Variants in STXBP5L observed in about 807,000 individuals in gnomAD.
STXBP5L encodes the protein syntaxin binding protein 5L, also known as syntaxin-binding protein 5-like.
A neutral mutation model predicts 144.5 loss-of-function variants in STXBP5L; 65 were observed. That is an observed-to-expected ratio of 0.45 (90% CI 0.37 to 0.55). STXBP5L has a LOEUF of 0.55. Ranked by LOEUF, STXBP5L falls within the 20% of genes least tolerant of loss-of-function variation. STXBP5L has a pLI of 0.00. For synonymous variants in STXBP5L, 505 were observed against 469.6 expected (o/e 1.08, Z -0.97); for missense variants, 1,298 against 1,405.5 (o/e 0.92, Z 1.22).
intron 3 of STXBP5L, among the ~76,000 whole-genome samples, chr3:120,974,782 C>G (rs1251625774): frequency 1.3e-5 from 2 of 152,212 alleles, no homozygotes; most frequent in East Asian, 3.9e-4. Flanking sequence ...TTTCCCAGCA[C>G]CATTTATTAA....
At chr3:121,053,893 A>G (rs1948232057) in intron 5 of STXBP5L, among the ~76,000 whole-genome samples, 1 of 150,940 alleles carries the variant, frequency 6.6e-6, no homozygotes, top group Non-Finnish European at 1.5e-5. Flanking sequence ...AATTTACAAG[A>G]AAAAAAAACA....
intron 2 of STXBP5L, among the ~76,000 whole-genome samples, chr3:120,953,228 G>A (rs955524452): frequency 2.0e-5 from 3 of 151,932 alleles, no homozygotes; most frequent in African/African-American, 7.3e-5. Flanking sequence ...TAAACTTGGA[G>A]TGGGGAAAAC....
At chr3:120,957,175 T>C (rs1938126306) in intron 3 of STXBP5L, among the ~76,000 whole-genome samples, 1 of 151,962 alleles carries the variant, frequency 6.6e-6, no homozygotes, top group Non-Finnish European at 1.5e-5. Flanking sequence ...ATTCCACTGA[T>C]CTATAGGTAT....
At chr3:121,091,382 T>C (rs1198475094) in intron 5 of STXBP5L, among the ~76,000 whole-genome samples, 2 of 150,876 alleles carry the variant, frequency 1.3e-5, no homozygotes, top group Middle Eastern at 3.4e-3. Context: ...TGAACTAGTT[T>C]ACAGTCCCAC....
At chr3:121,182,148 T>G (rs913163891) in intron 9 of STXBP5L, among the ~76,000 whole-genome samples, 2 of 152,172 alleles carry the variant, frequency 1.3e-5, no homozygotes, top group Admixed American at 1.3e-4. Context: ...AACAGTAGAC[T>G]TAAACTATAT....
chr3:120,970,034 T>C (rs1940056805), intron 3 of STXBP5L, among the ~76,000 whole-genome samples: 1 of 152,068 alleles, frequency 6.6e-6, no homozygotes, highest in South Asian at 2.1e-4. Context: ...TAACTTTTAT[T>C]GCATAGAGAA....
At position 121,382,509 on chromosome 3, in the gene STXBP5L, G is replaced by C. The variant is rs144762765; in HGVS notation, c.2587+977G>C. Among the ~76,000 whole-genome samples, 538 of 152,144 alleles carry C rather than the reference G, an allele frequency of 3.5e-3. 1 individual carries two copies. The highest frequency in any genetic ancestry group is 5.6e-3 in the Non-Finnish European group (380 of 67,974). ...TCTTTTGACTGGTGAGTTAGTTGGA[G>C]TCAAATCAGTGATACCATAATGAAT... is the stretch of plus-strand genomic sequence containing the variant. On this transcript the variant is annotated intron_variant, in intron 22 of 26. Transcript: ENST00000471454.
chr3:121,395,344 A>T (rs2046702610), intron 22 of STXBP5L, among the ~76,000 whole-genome samples: 1 of 152,272 alleles, frequency 6.6e-6, no homozygotes, highest in African/African-American at 2.4e-5. Context: ...ATTCAAAATG[A>T]TGAAAATTTT....
chr3:121,139,953 A>G (rs1427508850), intron 7 of STXBP5L, among the ~76,000 whole-genome samples: 2 of 152,092 alleles, frequency 1.3e-5, no homozygotes, highest in East Asian at 3.9e-4. Flanking sequence ...ACAACTCACC[A>G]TAAAAAACCA....
intron 7 of STXBP5L, among the ~76,000 whole-genome samples, chr3:121,146,297 ACTAAT>A (rs2045708628): frequency 2.0e-5 from 3 of 152,090 alleles, no homozygotes; most frequent in Non-Finnish European, 4.4e-5. Flanking sequence ...TAGCACAAGT[ACTAAT>A]TTACATTATA....
intron 3 of STXBP5L, among the ~76,000 whole-genome samples, chr3:120,958,452 C>CA (rs1182288542): frequency 6.6e-6 from 1 of 151,978 alleles, no homozygotes; most frequent in Non-Finnish European, 1.5e-5. Flanking sequence ...AGAGACACAA[C>CA]AAAAAAATAG....
chr3:120,999,870 T>C (rs1428692578), intron 3 of STXBP5L, among the ~76,000 whole-genome samples: 1 of 152,182 alleles, frequency 6.6e-6, no homozygotes, highest in Non-Finnish European at 1.5e-5. Context: ...TCATTTCTCC[T>C]TTAGTTTGGT....
intron 8 of STXBP5L, 41 bp downstream of exon 8, chr3:121,152,601 C>T (rs773311051): frequency 1.2e-5 from 17 of 1,421,560 alleles, no homozygotes; most frequent in South Asian, 6.1e-5. Flanking sequence ...AGTATTGTGA[C>T]GTTATGCCTG....
At chr3:121,332,695 T>C (rs2044360603) in intron 20 of STXBP5L, among the ~76,000 whole-genome samples, 1 of 152,044 alleles carries the variant, frequency 6.6e-6, no homozygotes, top group Admixed American at 6.6e-5. Context: ...AGAAAACCTA[T>C]CTAAGGGAAT....
At chr3:120,955,847 T>C (rs1157388225) in intron 3 of STXBP5L, among the ~76,000 whole-genome samples, 4 of 152,082 alleles carry the variant, frequency 2.6e-5, no homozygotes, top group African/African-American at 9.6e-5. Context: ...TTCATTTCAA[T>C]AATTTTGCCA....
intron 15 of STXBP5L, among the ~76,000 whole-genome samples, chr3:121,252,919 G>C (rs1306322776): frequency 6.6e-6 from 1 of 152,066 alleles, no homozygotes; most frequent in African/African-American, 2.4e-5. Flanking sequence ...TCATTTTCTT[G>C]CACATTCAGA....
chr3:121,297,650 A>G (rs1156920410), intron 19 of STXBP5L, among the ~76,000 whole-genome samples: 1 of 152,138 alleles, frequency 6.6e-6, no homozygotes, highest in Non-Finnish European at 1.5e-5. Flanking sequence ...GCTACTTGGG[A>G]GGCTGAAGCA....
chr3:121,080,897 G>T (rs1202672967), intron 5 of STXBP5L, among the ~76,000 whole-genome samples: 2 of 151,968 alleles, frequency 1.3e-5, no homozygotes, highest in Non-Finnish European at 2.9e-5. Context: ...CTTGTATTTG[G>T]ATGTCTAGAT....
In STXBP5L at chr3:121,222,998, T is replaced by C. The variant is rs1279073349; in HGVS notation, c.957-5T>C. The C allele has an allele frequency of 6.3e-7, 1 of 1,592,274 alleles. No homozygotes were observed. Among genetic ancestry groups the C allele is most frequent in the African/African-American group, 1.4e-5 (1 of 73,590 alleles). On this transcript the variant is annotated splice_polypyrimidine_tract_variant and splice_region_variant and intron_variant, in intron 10 of 26. Transcript: ENST00000471454. Reference sequence around the variant, plus strand: ...TGAGTCTCATTCATGTTTTTTCCTATGTAGCGAACCATTCATAATATTCTC... The same window carrying C: ...TGAGTCTCATTCATGTTTTTTCCTACGTAGCGAACCATTCATAATATTCTC...
Sources: allele counts gnomAD v4.1 joint callset (sites outside exome capture counted in the v4.1 genomes callset), GRCh38; gene constraint gnomAD v4.1.1; transcripts MANE v1.5; gene names NCBI Gene and HGNC (gene_info 2026-07-23, HGNC 2026-07-21).